The following ZNF713 variants were observed in gnomAD, a reference collection of about 807,000 sequenced individuals.
ZNF713 encodes the protein zinc finger protein 713.
In ZNF713, 21 loss-of-function variants were observed where a neutral mutation model predicts 28.7. The observed-to-expected ratio is 0.73, with a 90% CI of 0.52 to 1.05. The LOEUF is 1.05. ZNF713 is among the 50% of genes least tolerant of loss of function. The probability of loss-of-function intolerance (pLI) is 0.00; values close to 1 mark genes in which losing one functional copy is unlikely to be tolerated. For missense variants in ZNF713, 458 were observed against 532.4 expected (o/e 0.86, Z 1.37); for synonymous variants, 167 against 178.0 (o/e 0.94, Z 0.49).
intron 6 of ZNF713, chr7:55,924,719 C>CA (rs1786063693): frequency 6.6e-6 from 1 of 151,962 alleles, no homozygotes; most frequent in Admixed American, 6.6e-5. Context: ...ACTAAAAATA[C>CA]AAAAAATTAG....
intron 6 of ZNF713, among the ~76,000 whole-genome samples, chr7:55,931,130 A>G (rs1786201122): frequency 6.6e-6 from 1 of 152,126 alleles, no homozygotes; most frequent in Non-Finnish European, 1.5e-5. Flanking sequence ...TACTAAAGAT[A>G]CAAAAATTAG....
At chr7:55,892,584 C>T (rs1348082941) in intron 1 of ZNF713, among the ~76,000 whole-genome samples, 11 of 90,650 alleles carry the variant, frequency 1.2e-4, no homozygotes, top group African/African-American at 1.7e-4. Flanking sequence ...AAAAACAAAG[C>T]AGAATAGGCT....
chr7:55,936,217 A>AT lies in ZNF713; in HGVS notation c.308-2763dup, dbSNP rs1464472375. Among the ~76,000 whole-genome samples the AT allele has an allele frequency of 3.3e-5, 5 of 149,304 alleles. No homozygotes were observed. The East Asian group carries it at 9.9e-4, about 30-fold the overall frequency. ...GAGGCGGAGGTTGCAGTGAGCTGAG[A>AT]TTACACCACTGCACTCCAGCCTGGG... On this transcript the variant is annotated intron_variant, in intron 6 of 6. Transcript: ENST00000429591.
rs569285618 is a variant in ZNF713, at chr7:55,932,420, G to A, written c.308-6562G>A. On this transcript the variant is annotated intron_variant, in intron 6 of 6. Transcript: ENST00000429591. ...CGTGCCTGTGGTCCCACCTACTCTG[G>A]AGGCTGAGGCAAAAGGATCACTTGA... Among the ~76,000 whole-genome samples the A allele has an allele frequency of 4.6e-5, 7 of 151,466 alleles. No individual in the cohort carries two copies. The South Asian group carries it at 1.5e-3, about 32-fold the overall frequency.
intron 6 of ZNF713, among the ~76,000 whole-genome samples, chr7:55,928,959 C>T (rs1333101764): frequency 7.4e-6 from 1 of 135,948 alleles, no homozygotes; most frequent in Non-Finnish European, 1.5e-5. Flanking sequence ...GGTTGAGAGC[C>T]CATTTCTACC....
Position 55,941,426 on chromosome 7 carries a change from A to C in ZNF713, c.*1420A>C, listed in dbSNP as rs1481468522. ...AGCCAAGATCACGCCACTGTACTCC[A>C]GCCTGGGCAACAGAGTGAGACTGTC... On this transcript the variant is annotated 3_prime_UTR_variant, in exon 7 of 7. Transcript: ENST00000429591. The C allele has an allele frequency of 1.3e-5, 2 of 151,066 alleles. No individual in the cohort carries two copies. Among genetic ancestry groups the C allele is most frequent in the African/African-American group, 2.4e-5 (1 of 41,194 alleles). 9.4% of individuals were successfully genotyped at this position (151,066 alleles called of 1,614,324 possible).
At chr7:55,933,110 G>A (rs1220443411) in intron 6 of ZNF713, among the ~76,000 whole-genome samples, 23 of 151,008 alleles carry the variant, frequency 1.5e-4, no homozygotes, top group Admixed American at 1.5e-3. Flanking sequence ...GGTGGCAGGC[G>A]CCTGTGATCC....
Position 55,940,048 on chromosome 7 carries a change from A to G in ZNF713, c.*42A>G. On this transcript the variant is annotated 3_prime_UTR_variant, in exon 7 of 7. Coordinates refer to ENST00000429591, the MANE Select transcript of ZNF713 (RefSeq NM_182633.3). ...TCAGATAAATATATAAATGTAGGAGATTTTTTGGTCAGACCTTTTTATCCC... is the reference window on the plus strand; with the variant it reads ...TCAGATAAATATATAAATGTAGGAGGTTTTTTGGTCAGACCTTTTTATCCC... 6.6e-7 allele frequency: 1 copy of G among 1,512,364 alleles called. No homozygotes were observed. Among genetic ancestry groups the G allele is most frequent in the Admixed American group, 2.2e-5 (1 of 44,808 alleles). The allele number at this position is 1,512,364 out of a possible 1,614,324, so 93.7% of individuals were successfully genotyped here.
chr7:55,921,229 T>C (rs1785985417), intron 4 of ZNF713, among the ~76,000 whole-genome samples: 1 of 152,038 alleles, frequency 6.6e-6, no homozygotes, highest in Non-Finnish European at 1.5e-5. Flanking sequence ...TCATTGACAA[T>C]GCACCTGGTT....
intron 6 of ZNF713, among the ~76,000 whole-genome samples, chr7:55,925,243 G>A (rs1348517357): frequency 6.6e-6 from 1 of 152,162 alleles, no homozygotes; most frequent in African/African-American, 2.4e-5. Flanking sequence ...TTGGTTTTCT[G>A]TCATTCAAAC....
intron 6 of ZNF713, among the ~76,000 whole-genome samples, chr7:55,929,979 T>C (rs1356851999): frequency 2.6e-5 from 4 of 152,094 alleles, no homozygotes; most frequent in African/African-American, 9.7e-5. Context: ...ATTTTCAACT[T>C]AGGTCAAAAG....
chr7:55,924,523 T>C (rs563428918), intron 6 of ZNF713: 1 of 152,376 alleles, frequency 6.6e-6, no homozygotes, highest in Admixed American at 6.5e-5. Context: ...TCCTTCTGTA[T>C]CATTTTCCCA....
At chr7:55,891,226 T>TTA (rs1005116688) in intron 1 of ZNF713, among the ~76,000 whole-genome samples, 1 of 152,130 alleles carries the variant, frequency 6.6e-6, no homozygotes, top group African/African-American at 2.4e-5. Context: ...ATGAACGAAA[T>TTA]TAAAGCTCAG....
rs1362217588 is a variant in ZNF713 at position 55,940,470 on chromosome 7, A to G, written c.*464A>G. 6 of 985,964 alleles carry G rather than the reference A, an allele frequency of 6.1e-6. No homozygotes were observed. The highest frequency in any genetic ancestry group is 5.2e-4 in the Middle Eastern group (1 of 1,936). 61.1% of individuals were successfully genotyped at this position (985,964 alleles called of 1,614,324 possible). A position where few individuals can be genotyped will look rare whatever the true frequency, so the allele number is the denominator to read the frequency against. On this transcript the variant is annotated 3_prime_UTR_variant, in exon 7 of 7. Transcript: ENST00000429591. ...ACCAAATTAATTTAGACCTTAAACTAGCAGCATATTACATTCCCAGGAGGG... is the reference window on the plus strand; with the variant it reads ...ACCAAATTAATTTAGACCTTAAACTGGCAGCATATTACATTCCCAGGAGGG...
At chr7:55,930,555 A>T (rs1440632480) in intron 6 of ZNF713, among the ~76,000 whole-genome samples, 1 of 152,180 alleles carries the variant, frequency 6.6e-6, no homozygotes, top group African/African-American at 2.4e-5. Context: ...TGAGCTCAGG[A>T]GTTCAGGACC....
intron 4 of ZNF713, among the ~76,000 whole-genome samples, chr7:55,917,592 C>G (rs548544996): frequency 1.4e-4 from 21 of 151,732 alleles, no homozygotes; most frequent in Non-Finnish European, 2.8e-4. Flanking sequence ...GTAGTCCCAG[C>G]TATACAGTAG....
intron 4 of ZNF713, among the ~76,000 whole-genome samples, chr7:55,919,540 C>G (rs988949506): frequency 1.5e-4 from 12 of 81,728 alleles, no homozygotes; most frequent in African/African-American, 4.4e-4. Context: ...AAGTCTTGCT[C>G]TGTTGCCTAG....
intron 2 of ZNF713, among the ~76,000 whole-genome samples, chr7:55,907,535 G>A (rs1785703615): frequency 6.6e-6 from 1 of 152,088 alleles, no homozygotes; most frequent in African/African-American, 2.4e-5. Flanking sequence ...ATGTGGTCTG[G>A]GTTTCTGATG....
chr7:55,902,868 C>T (rs1407301422), intron 1 of ZNF713, among the ~76,000 whole-genome samples: 1 of 151,570 alleles, frequency 6.6e-6, no homozygotes, highest in Admixed American at 6.6e-5. Flanking sequence ...TGGTGGGTGC[C>T]TATAATCCCA....
Sources: allele counts gnomAD v4.1 joint callset (sites outside exome capture counted in the v4.1 genomes callset), GRCh38; gene constraint gnomAD v4.1.1; transcripts MANE v1.5; gene names NCBI Gene and HGNC (gene_info 2026-07-23, HGNC 2026-07-21).